Variants in TMCO5A observed in about 807,000 individuals in gnomAD.
The protein encoded by TMCO5A is transmembrane and coiled-coil domain-containing protein 5A.
In TMCO5A, 34 loss-of-function variants were observed where a neutral mutation model predicts 42.3. The observed-to-expected ratio is 0.80, with a 90% CI of 0.61 to 1.07. TMCO5A has a LOEUF of 1.07. TMCO5A is among the 50% of genes least tolerant of loss of function. TMCO5A has a pLI of 0.00. For missense variants in TMCO5A, 357 were observed against 327.9 expected (o/e 1.09, Z -0.69); for synonymous variants, 131 against 115.6 (o/e 1.13, Z -0.86).
downstream of TMCO5A, among the ~76,000 whole-genome samples, chr15:37,968,384 C>T (rs1173423316): frequency 1.3e-5 from 2 of 152,144 alleles, no homozygotes; most frequent in African/African-American, 4.8e-5. Context: ...CAAAGATACA[C>T]TCCAAGGAAA....
the TMCO5A span, among the ~76,000 whole-genome samples, chr15:38,013,431 C>A: frequency 6.6e-6 from 1 of 152,084 alleles, no homozygotes; most frequent in East Asian, 1.9e-4. Context: ...GAAATGCTTA[C>A]GAGATCCATC....
chr15:37,947,772 C>G, intron 11 of TMCO5A, 76 bp downstream of exon 11: 1 of 994,814 alleles, frequency 1.0e-6, no homozygotes, highest in Non-Finnish European at 1.6e-6. Context: ...AGGGAAAAGT[C>G]TAGACAAGGA....
chr15:37,966,382 A>AT (rs1821045416), intron 11 of TMCO5A, among the ~76,000 whole-genome samples: 1 of 152,156 alleles, frequency 6.6e-6, no homozygotes, highest in African/African-American at 2.4e-5. Flanking sequence ...ACTAAGTATA[A>AT]TTGGTTTGTA....
the TMCO5A span, among the ~76,000 whole-genome samples, chr15:38,022,580 C>T: frequency 6.6e-6 from 1 of 152,096 alleles, no homozygotes; most frequent in South Asian, 2.1e-4. Context: ...GGCTACATGT[C>T]ATTATACATT....
At chr15:37,973,293 T>C in the TMCO5A span, among the ~76,000 whole-genome samples, 1 of 152,126 alleles carries the variant, frequency 6.6e-6, no homozygotes, top group African/African-American at 2.4e-5. Context: ...TTTGGTTCCA[T>C]ATGAATTTTG....
the TMCO5A span, among the ~76,000 whole-genome samples, chr15:37,973,005 T>A: frequency 6.6e-6 from 1 of 152,220 alleles, no homozygotes; most frequent in Non-Finnish European, 1.5e-5. Flanking sequence ...GGCTAACCAG[T>A]TATTCCAGTT....
chr15:37,947,755 C>T (rs1012117193), intron 11 of TMCO5A, 59 bp downstream of exon 11: 24 of 1,176,508 alleles, frequency 2.0e-5, no homozygotes, highest in South Asian at 1.3e-4. Flanking sequence ...TTTAGCTATT[C>T]GGGCAGAGGG....
the TMCO5A span, among the ~76,000 whole-genome samples, chr15:38,019,843 G>A: frequency 6.6e-6 from 1 of 151,484 alleles, no homozygotes; most frequent in Non-Finnish European, 1.5e-5. Context: ...TGTATCCCTG[G>A]CTTCAAGCAA....
the TMCO5A span, among the ~76,000 whole-genome samples, chr15:37,976,521 C>G: frequency 6.6e-6 from 1 of 152,126 alleles, no homozygotes; most frequent in African/African-American, 2.4e-5. Context: ...CTTGCTTTCT[C>G]TCCCTCTCTT....
At chr15:37,950,512 A>G (rs972549641) in intron 11 of TMCO5A, among the ~76,000 whole-genome samples, 10 of 152,166 alleles carry the variant, frequency 6.6e-5, no homozygotes, top group African/African-American at 2.4e-4. Context: ...AAAAGCTAAA[A>G]CTACCTTGTA....
chr15:38,023,660 G>A, the TMCO5A span, among the ~76,000 whole-genome samples: 1 of 152,174 alleles, frequency 6.6e-6, no homozygotes, highest in Non-Finnish European at 1.5e-5. Flanking sequence ...GTAGCAAAGA[G>A]TTTGTGTTAA....
chr15:38,004,994 C>T, the TMCO5A span, among the ~76,000 whole-genome samples: 12 of 152,090 alleles, frequency 7.9e-5, no homozygotes, highest in Non-Finnish European at 1.0e-4. Flanking sequence ...CACTATTAGA[C>T]AGAATTCTCA....
chr15:38,023,779 G>T, the TMCO5A span, among the ~76,000 whole-genome samples: 1 of 152,094 alleles, frequency 6.6e-6, no homozygotes. Flanking sequence ...CTATCACATG[G>T]GTTTATCTTT....
chr15:38,007,872 C>CTTTT, the TMCO5A span, among the ~76,000 whole-genome samples: 65 of 47,408 alleles, frequency 1.4e-3, 13 homozygotes, highest in Admixed American at 2.8e-3. Context: ...CTCACCCACA[C>CTTTT]TTTTTTTTTT....
At chr15:37,995,844 C>CT in the TMCO5A span, among the ~76,000 whole-genome samples, 186 of 142,630 alleles carry the variant, frequency 1.3e-3, 1 homozygote, top group African/African-American at 4.5e-3. Context: ...GCAATCCCCT[C>CT]CAAAAAAAAA....
chr15:37,935,639 A>T (rs1287781904), intron 2 of TMCO5A, among the ~76,000 whole-genome samples: 1 of 152,148 alleles, frequency 6.6e-6, no homozygotes, highest in Non-Finnish European at 1.5e-5. Flanking sequence ...ATATATCAAG[A>T]GCCTCCCATG....
chr15:37,969,647 C>T (rs1197840520), downstream of TMCO5A, among the ~76,000 whole-genome samples: 2 of 152,174 alleles, frequency 1.3e-5, no homozygotes, highest in Non-Finnish European at 2.9e-5. Context: ...CAGATTATTT[C>T]ATCACCTAGG....
Position 37,936,888 on chromosome 15 carries a change from A to G in TMCO5A, c.182A>G (p.Asp61Gly). 1 of 1,612,506 alleles carries G rather than the reference A, an allele frequency of 6.2e-7. No individual in the cohort carries two copies. The highest frequency in any genetic ancestry group is 8.5e-7 in the Non-Finnish European group (1 of 1,179,150). The change falls in exon 4 of 12, where the codon GAT becomes GGT. Residue 61 changes from aspartate to glycine, a missense_variant. By Grantham distance (94) the Asp-to-Gly change is moderately conservative. Coordinates refer to ENST00000319669, the MANE Select transcript of TMCO5A (RefSeq NM_152453.4). ...ATTCAGACGCGGGGCCTGGTGGAAG[A>G]TGAAGAGTGGGAGAAGGAGAACCGC... ...EIIQTRGLVE[D>G]EEWEKENRTT...
At chr15:38,018,768 G>A in the TMCO5A span, among the ~76,000 whole-genome samples, 116,653 of 151,482 alleles carry the variant, frequency 0.77, 45,084 homozygotes, top group East Asian at 0.97. Context: ...GAGCAGTAAT[G>A]TTATTTTTTT....
Sources: allele counts gnomAD v4.1 joint callset (sites outside exome capture counted in the v4.1 genomes callset), GRCh38; gene constraint gnomAD v4.1.1; transcripts MANE v1.5; gene names NCBI Gene and HGNC (gene_info 2026-07-23, HGNC 2026-07-21).